The following PLPPR5 variants were observed in gnomAD, a reference collection of about 807,000 sequenced individuals.
PLPPR5 encodes the protein phospholipid phosphatase-related protein type 5.
A neutral mutation model predicts 33.9 loss-of-function variants in PLPPR5; 16 were observed. The ratio of observed to expected loss-of-function variants is 0.47; its 90% CI spans 0.32 to 0.72. The LOEUF (loss-of-function observed/expected upper bound fraction) is 0.72. Ranked by LOEUF, PLPPR5 falls within the 30% of genes least tolerant of loss-of-function variation. The probability of loss-of-function intolerance (pLI) is 0.03; values close to 1 mark genes in which losing one functional copy is unlikely to be tolerated. For missense variants in PLPPR5, 301 were observed against 406.7 expected (o/e 0.74, Z 2.23); for synonymous variants, 163 against 150.3 (o/e 1.08, Z -0.62).
At chr1:98,965,556 AAGAATGC>A (rs1304987328) in intron 1 of PLPPR5, among the ~76,000 whole-genome samples, 1 of 152,194 alleles carries the variant, frequency 6.6e-6, no homozygotes, top group Non-Finnish European at 1.5e-5. Flanking sequence ...AGCAACCTAC[AAGAATGC>A]AGGTGTGAAT....
chr1:98,902,838 T>A (rs1365445366), intron 5 of PLPPR5, among the ~76,000 whole-genome samples: 4 of 152,156 alleles, frequency 2.6e-5, no homozygotes. Flanking sequence ...AATTCTATAT[T>A]TATTCACATA....
In PLPPR5 at chr1:99,004,592, G is replaced by C; in HGVS notation, c.80C>G (p.Ala27Gly). The change falls in exon 1 of 6, where the codon GCG (alanine) becomes GGG (glycine). Residue 27 changes from alanine to glycine, a missense_variant. Ala to Gly is a moderately conservative substitution (Grantham distance 60). Coordinates refer to ENST00000263177, the MANE Select transcript of PLPPR5 (RefSeq NM_001037317.2). ...MVIMAGTVML[A>G]YYFEYTDTFT... ...CGTGTCCGTATACTCGAAGTAGTAC[G>C]CCAGCATCACCGTCCCTGCCATGAT... 1 of 1,613,032 alleles carries C rather than the reference G, an allele frequency of 6.2e-7. No homozygotes were observed. The highest frequency in any genetic ancestry group is 1.1e-5 in the South Asian group (1 of 91,084).
intron 5 of PLPPR5, among the ~76,000 whole-genome samples, chr1:98,907,368 AT>A (rs1385774094): frequency 1.3e-5 from 2 of 151,742 alleles, no homozygotes; most frequent in Non-Finnish European, 2.9e-5. Flanking sequence ...TGCCCAGCTG[AT>A]TTTTGTATTT....
At chr1:98,940,887 G>A (rs903628112) in intron 3 of PLPPR5, among the ~76,000 whole-genome samples, 3 of 151,898 alleles carry the variant, frequency 2.0e-5, no homozygotes, top group African/African-American at 7.2e-5. Context: ...CTTGGGTAAC[G>A]AGGGTAGGAA....
At chr1:98,946,922 C>T in intron 3 of PLPPR5, among the ~76,000 whole-genome samples, 1 of 152,060 alleles carries the variant, frequency 6.6e-6, no homozygotes, top group Non-Finnish European at 1.5e-5. Flanking sequence ...TATAGAACTA[C>T]ACTTGTAAAA....
rs188408827 is a variant in PLPPR5 at position 98,975,483 on chromosome 1, G to A, written c.238-18742C>T. 8.5e-5 allele frequency among the ~76,000 whole-genome samples: 13 copies of A among 152,138 alleles called. No individual in the cohort carries two copies. The East Asian group carries it at 1.4e-3, about 16-fold the overall frequency. ...AGATGAAGCCTTTTGAGGTTTCAGC[G>A]GAATATTTGTTGCCAATATTTGCAG... On this transcript the variant is annotated intron_variant, in intron 1 of 5. Transcript: ENST00000263177.
intron 3 of PLPPR5, among the ~76,000 whole-genome samples, chr1:98,931,152 T>C (rs1475377191): frequency 2.0e-5 from 3 of 152,172 alleles, no homozygotes; most frequent in Admixed American, 1.3e-4. Context: ...ATTCTGTTCA[T>C]AATTATTATA....
rs566026292 is a variant in PLPPR5, at chr1:98,903,086, C to T, written c.934-9982G>A. Among the ~76,000 whole-genome samples, 8 of 152,032 alleles carry T rather than the reference C, an allele frequency of 5.3e-5. 1 individual carries two copies. The South Asian group carries it at 1.7e-3, about 32-fold the overall frequency. ...GTATTTTCAACCTAAAATGTTGATG[C>T]CTGTTGGAAATTTTTAAGCTTCCAC... On this transcript the variant is annotated intron_variant, in intron 5 of 5. Coordinates refer to ENST00000263177, the MANE Select transcript of PLPPR5 (RefSeq NM_001037317.2).
intron 5 of PLPPR5, among the ~76,000 whole-genome samples, chr1:98,894,751 T>A (rs748855711): frequency 2.0e-5 from 3 of 152,006 alleles, no homozygotes; most frequent in Non-Finnish European, 2.9e-5. Context: ...ACAAGACTCA[T>A]TAAATTTGCT....
At chr1:98,939,253 T>A (rs2101188999) in intron 3 of PLPPR5, among the ~76,000 whole-genome samples, 1 of 152,210 alleles carries the variant, frequency 6.6e-6, no homozygotes, top group South Asian at 2.1e-4. Context: ...TAATGATTAT[T>A]ATCACATAGT....
At position 98,893,024 on chromosome 1, in the gene PLPPR5, G is replaced by A; in HGVS notation, c.*48C>T. On this transcript the variant is annotated 3_prime_UTR_variant, in exon 6 of 6. Coordinates refer to ENST00000263177, the MANE Select transcript of PLPPR5 (RefSeq NM_001037317.2). Reference sequence around the variant, plus strand: ...AAACTTTGGGTGTTATGAATGGATGGTAAAAAGGGATGATGTCCAATGCAG... The same window carrying A: ...AAACTTTGGGTGTTATGAATGGATGATAAAAAGGGATGATGTCCAATGCAG... 6.3e-7 allele frequency: 1 copy of A among 1,588,592 alleles called. No individual in the cohort carries two copies. Among genetic ancestry groups the A allele is most frequent in the Non-Finnish European group, 8.6e-7 (1 of 1,160,176 alleles).
intron 1 of PLPPR5, among the ~76,000 whole-genome samples, chr1:98,965,081 G>A (rs1333277868): frequency 3.3e-5 from 5 of 150,798 alleles, no homozygotes; most frequent in Admixed American, 2.6e-4. Context: ...CCAAAGTGCT[G>A]GGATTACAGG....
intron 4 of PLPPR5, among the ~76,000 whole-genome samples, chr1:98,916,227 C>T (rs7556431): frequency 0.99 from 150,059 of 152,296 alleles, 73,962 homozygotes; most frequent in East Asian, 1. Context: ...GAAAAATACT[C>T]CTTTGCAAAT....
At chr1:98,920,941 G>C (rs1332851097) in intron 4 of PLPPR5, among the ~76,000 whole-genome samples, 1 of 152,020 alleles carries the variant, frequency 6.6e-6, no homozygotes, top group Non-Finnish European at 1.5e-5. Context: ...CATGAATAGA[G>C]GGAAGTTCAG....
intron 1 of PLPPR5, among the ~76,000 whole-genome samples, chr1:98,994,270 A>C (rs1557696765): frequency 1.3e-5 from 2 of 151,974 alleles, no homozygotes; most frequent in Non-Finnish European, 2.9e-5. Flanking sequence ...GGCAGCAAGA[A>C]TGGAAGCAGA....
chr1:98,933,482 C>CAA (rs66504258), intron 3 of PLPPR5, among the ~76,000 whole-genome samples: 23,397 of 88,834 alleles, frequency 0.26, 2,854 homozygotes, highest in Non-Finnish European at 0.34. Flanking sequence ...GACTCCGTCT[C>CAA]AAAAAAAAAA....
intron 1 of PLPPR5, among the ~76,000 whole-genome samples, chr1:98,957,175 G>C (rs1651043821): frequency 6.7e-6 from 1 of 148,466 alleles, no homozygotes; most frequent in Admixed American, 6.7e-5. Flanking sequence ...ATCACACTCT[G>C]GGGACTGTTG....
chr1:98,956,757 A>G lies in PLPPR5; in HGVS notation c.238-16T>C. On this transcript the variant is annotated splice_polypyrimidine_tract_variant and intron_variant, in intron 1 of 5. Coordinates refer to ENST00000263177, the MANE Select transcript of PLPPR5 (RefSeq NM_001037317.2). ...CAACTATTATCTTGAAAGAAAATAA[A>G]AGATTAAGGAATATTAGAATTTAAC... 6.6e-7 allele frequency: 1 copy of G among 1,524,724 alleles called. No homozygotes were observed. The highest frequency in any genetic ancestry group is 1.3e-5 in the South Asian group (1 of 77,224). 94.4% of individuals were successfully genotyped at this position (1,524,724 alleles called of 1,614,324 possible).
At chr1:98,970,341 T>G (rs1651614109) in intron 1 of PLPPR5, among the ~76,000 whole-genome samples, 1 of 152,048 alleles carries the variant, frequency 6.6e-6, no homozygotes, top group Admixed American at 6.6e-5. Context: ...TCCAGCTTAC[T>G]GCTCACATGT....
Sources: gnomAD v4.1 joint callset for allele counts (sites outside exome capture counted in the v4.1 genomes callset) on GRCh38, gnomAD v4.1.1 for gene constraint, MANE v1.5 for transcripts, NCBI Gene and HGNC (gene_info 2026-07-23, HGNC 2026-07-21) for gene names.